Variants in PTPN14 observed in about 807,000 individuals in gnomAD.
The protein encoded by PTPN14 is protein tyrosine phosphatase non-receptor type 14.
Under a neutral mutation model 126.8 loss-of-function variants are expected in PTPN14, and 53 were observed. The observed-to-expected ratio is 0.42, with a 90% CI of 0.34 to 0.53. The LOEUF is 0.53. Ranked by LOEUF, PTPN14 falls within the 20% of genes least tolerant of loss-of-function variation. The pLI is 0.08. For synonymous variants in PTPN14, 630 were observed against 599.3 expected (o/e 1.05, Z -0.75); for missense variants, 1,257 against 1,552.9 (o/e 0.81, Z 3.20).
chr1:214,439,382 A>C (rs1355326761), intron 3 of PTPN14, among the ~76,000 whole-genome samples: 3 of 152,288 alleles, frequency 2.0e-5, no homozygotes, highest in East Asian at 3.9e-4. Flanking sequence ...CTTCTTCAAA[A>C]CATTTATGCT....
chr1:214,380,695 C>T (rs1038613617), intron 13 of PTPN14, among the ~76,000 whole-genome samples: 1 of 152,164 alleles, frequency 6.6e-6, no homozygotes, highest in Non-Finnish European at 1.5e-5. Context: ...TCAAGAGGGC[C>T]CTTAGAATGG....
At chr1:214,475,722 G>A (rs1660852902) in intron 1 of PTPN14, among the ~76,000 whole-genome samples, 1 of 152,076 alleles carries the variant, frequency 6.6e-6, no homozygotes, top group Non-Finnish European at 1.5e-5. Context: ...GCACTCTGCT[G>A]AGCACAATCT....
intron 1 of PTPN14, among the ~76,000 whole-genome samples, chr1:214,478,507 C>T (rs1400429021): frequency 6.6e-6 from 1 of 152,026 alleles, no homozygotes; most frequent in African/African-American, 2.4e-5. Flanking sequence ...TCTACTTTCT[C>T]TTACACAATC....
chr1:214,392,137 C>T (rs1177321165), intron 10 of PTPN14, among the ~76,000 whole-genome samples: 1 of 151,960 alleles, frequency 6.6e-6, no homozygotes, highest in African/African-American at 2.4e-5. Flanking sequence ...TGCCCCAGGC[C>T]ATAACATCGT....
intron 1 of PTPN14, among the ~76,000 whole-genome samples, chr1:214,479,606 T>C (rs1214986069): frequency 6.6e-6 from 1 of 152,048 alleles, no homozygotes; most frequent in African/African-American, 2.4e-5. Flanking sequence ...CCCAAATTGC[T>C]GAGATTACAG....
chr1:214,521,677 T>C (rs1285205611), intron 1 of PTPN14, among the ~76,000 whole-genome samples: 2 of 151,950 alleles, frequency 1.3e-5, no homozygotes, highest in Non-Finnish European at 2.9e-5. Flanking sequence ...ATAGCGCCAC[T>C]GCATTCCAGC....
chr1:214,545,548 T>C (rs1655948787), intron 1 of PTPN14, among the ~76,000 whole-genome samples: 1 of 152,154 alleles, frequency 6.6e-6, no homozygotes, highest in Non-Finnish European at 1.5e-5. Flanking sequence ...GGAGGGGACA[T>C]TCAAACCACA....
At chr1:214,424,131 A>G (rs1659606287) in intron 3 of PTPN14, among the ~76,000 whole-genome samples, 3 of 152,202 alleles carry the variant, frequency 2.0e-5, no homozygotes, top group African/African-American at 4.8e-5. Context: ...CCCCATCTCT[A>G]TGAAAAATAC....
Position 214,395,352 on chromosome 1 carries a change from A to G in PTPN14, c.759-366T>C, listed in dbSNP as rs117845619. Among the ~76,000 whole-genome samples the G allele has an allele frequency of 2.7e-4, 41 of 152,282 alleles. No homozygotes were observed. In the East Asian group the frequency reaches 7.9e-3, roughly 29 times the overall value. ...AATGATGGAGGAGCACATATTATTA[A>G]AAATCATGTGTTTCCAGGAACCTAA... On this transcript the variant is annotated intron_variant, in intron 8 of 18. Coordinates refer to ENST00000366956, the MANE Select transcript of PTPN14 (RefSeq NM_005401.5).
intron 10 of PTPN14, among the ~76,000 whole-genome samples, chr1:214,391,616 A>G (rs1052062626): frequency 2.0e-5 from 3 of 152,014 alleles, no homozygotes; most frequent in Admixed American, 6.6e-5. Flanking sequence ...TGGAAGTATT[A>G]GCAAATTCTT....
intron 1 of PTPN14, among the ~76,000 whole-genome samples, chr1:214,542,484 C>T (rs545789545): frequency 6.6e-6 from 1 of 151,956 alleles, no homozygotes; most frequent in Non-Finnish European, 1.5e-5. Context: ...CAGGCAGGGA[C>T]ATGGGGGAGT....
intron 13 of PTPN14, among the ~76,000 whole-genome samples, chr1:214,378,798 C>T (rs1658405419): frequency 6.6e-6 from 1 of 152,192 alleles, no homozygotes; most frequent in African/African-American, 2.4e-5. Flanking sequence ...CCCACAGTAA[C>T]AGAGACGGTG....
intron 1 of PTPN14, among the ~76,000 whole-genome samples, chr1:214,499,701 T>C (rs548294139): frequency 6.6e-6 from 1 of 152,308 alleles, no homozygotes; most frequent in South Asian, 2.1e-4. Flanking sequence ...TTCACGTAAC[T>C]GCAGTTTTTT....
chr1:214,402,169 G>A (rs1325996408), intron 6 of PTPN14, among the ~76,000 whole-genome samples: 1 of 151,798 alleles, frequency 6.6e-6, no homozygotes. Context: ...AAATGGCCGT[G>A]GCTCATGCCT....
intron 18 of PTPN14, among the ~76,000 whole-genome samples, chr1:214,362,647 T>C (rs76408971): frequency 6.6e-6 from 1 of 152,178 alleles, no homozygotes; most frequent in Non-Finnish European, 1.5e-5. Context: ...TAGTCTTTCG[T>C]GTCAGACAAG....
chr1:214,475,798 G>T (rs1660854471), intron 1 of PTPN14, among the ~76,000 whole-genome samples: 1 of 152,078 alleles, frequency 6.6e-6, no homozygotes, highest in Admixed American at 6.6e-5. Context: ...AAGGACTGAG[G>T]CTAAAGAGAG....
chr1:214,494,899 G>A (rs187221602), intron 1 of PTPN14, among the ~76,000 whole-genome samples: 33 of 152,284 alleles, frequency 2.2e-4, no homozygotes, highest in African/African-American at 7.7e-4. Flanking sequence ...GAACCTGAGG[G>A]AAGGAGATGC....
intron 1 of PTPN14, among the ~76,000 whole-genome samples, chr1:214,543,625 G>A (rs1337353292): frequency 2.6e-5 from 4 of 151,910 alleles, no homozygotes; most frequent in African/African-American, 9.7e-5. Flanking sequence ...TTCATTCACT[G>A]ATTCTATAAC....
At chr1:214,358,116 C>A in intron 18 of PTPN14, 66 bp from the exon 19 acceptor site, 2 of 1,569,862 alleles carry the variant, frequency 1.3e-6, no homozygotes, top group Non-Finnish European at 8.7e-7. Flanking sequence ...ATTCCTCATT[C>A]CCTCATTCAG....
Sources: allele counts gnomAD v4.1 joint callset (sites outside exome capture counted in the v4.1 genomes callset), GRCh38; gene constraint gnomAD v4.1.1; transcripts MANE v1.5; gene names NCBI Gene and HGNC (gene_info 2026-07-23, HGNC 2026-07-21).